The following MYOM1 variants were observed in gnomAD, a reference collection of about 807,000 sequenced individuals.
The protein encoded by MYOM1 is myomesin-1.
MYOM1 carries 164 observed loss-of-function variants against 205.3 expected under a neutral mutation model. The observed-to-expected ratio is 0.80, with a 90% CI of 0.70 to 0.91. The LOEUF (loss-of-function observed/expected upper bound fraction) is 0.91. Among genes scored for constraint, MYOM1 ranks in the 40% least tolerant of loss-of-function variants. MYOM1 has a pLI of 0.00. For missense variants in MYOM1, 2,011 were observed against 2,127.3 expected, an observed-to-expected ratio of 0.95 and a Z score of 1.08; for synonymous variants, 772 against 789.4, an observed-to-expected ratio of 0.98 and a Z score of 0.37.
At chr18:3,076,728 T>G (rs1598647719) in intron 34 of MYOM1, among the ~76,000 whole-genome samples, 1 of 151,922 alleles carries the variant, frequency 6.6e-6, no homozygotes, top group South Asian at 2.1e-4. Flanking sequence ...GCAGCTTTTT[T>G]TTTTTTTTTG....
intron 21 of MYOM1, among the ~76,000 whole-genome samples, chr18:3,115,962 A>G (rs2079598809): frequency 6.6e-6 from 1 of 152,124 alleles, no homozygotes; most frequent in African/African-American, 2.4e-5. Flanking sequence ...AGCACCCTCA[A>G]ATCAACCATC....
At chr18:3,177,440 A>G (rs1367501062) in intron 5 of MYOM1, among the ~76,000 whole-genome samples, 7 of 135,820 alleles carry the variant, frequency 5.2e-5, no homozygotes, top group African/African-American at 8.6e-5. Flanking sequence ...TGTTAGAAGC[A>G]ATATCATTAT....
Position 3,141,954 on chromosome 18 carries a change from C to T in MYOM1, c.2010G>A (p.Met670Ile). Residue 670 changes from methionine to isoleucine, a missense_variant, in exon 14 of 38, where the codon ATG (methionine) becomes ATA (isoleucine). Coordinates refer to ENST00000356443, the MANE Select transcript of MYOM1 (RefSeq NM_003803.4). ...PPGQRGHEGI[M>I]YFVEKCEAGT... is the part of the protein sequence containing the mutation. ...AGAGTCTTACCTTTTCCACAAAGTA[C>T]ATAATGCCCTCATGACCACGCTGGC... 1 of 1,613,820 alleles carries T rather than the reference C, an allele frequency of 6.2e-7. No individual in the cohort carries two copies. The highest frequency in any genetic ancestry group is 8.5e-7 in the Non-Finnish European group (1 of 1,179,822).
intron 36 of MYOM1, among the ~76,000 whole-genome samples, chr18:3,074,116 A>G (rs764735599): frequency 1.3e-5 from 2 of 152,242 alleles, no homozygotes; most frequent in Non-Finnish European, 2.9e-5. Flanking sequence ...AGAAGAGTTC[A>G]AGAATCTGGA....
intron 3 of MYOM1, among the ~76,000 whole-genome samples, chr18:3,193,349 T>TATACATATATATGTACATATAC (rs2080943546): frequency 7.3e-6 from 1 of 137,210 alleles, no homozygotes; most frequent in South Asian, 2.2e-4. Flanking sequence ...TACATATACA[T>TATACATATATATGTACATATAC]ATATATATAT....
intron 9 of MYOM1, among the ~76,000 whole-genome samples, chr18:3,167,760 A>G (rs6506079): frequency 0.1 from 15,410 of 152,184 alleles, 1,712 homozygotes; most frequent in African/African-American, 0.28. Flanking sequence ...TAGCTTCTTC[A>G]TCTTGTTTTG....
intron 14 of MYOM1, among the ~76,000 whole-genome samples, chr18:3,141,664 C>T (rs1197234141): frequency 6.6e-6 from 1 of 152,180 alleles, no homozygotes; most frequent in Non-Finnish European, 1.5e-5. Context: ...ATTTCAGGAA[C>T]ATTTCTCTTC....
In MYOM1 at chr18:3,189,352, T is replaced by C. The variant is rs1198619046; in HGVS notation, c.432-265A>G. On this transcript the variant is annotated intron_variant, in intron 3 of 37. Coordinates refer to ENST00000356443, the MANE Select transcript of MYOM1 (RefSeq NM_003803.4). This position sits in a 1 kb window ranked among gnomAD's most constrained non-coding sequence, Gnocchi z 4.8. ...TTGTTTCATCCCCTTACAAACCCTA[T>C]GAGATAAACTTTTTTTTTTTTTTTG... Among the ~76,000 whole-genome samples, 1 of 146,728 alleles carries C rather than the reference T, an allele frequency of 6.8e-6. No homozygotes were observed. The highest frequency in any genetic ancestry group is 1.5e-5 in the Non-Finnish European group (1 of 66,766).
intron 14 of MYOM1, among the ~76,000 whole-genome samples, chr18:3,136,186 C>T (rs1408217436): frequency 6.6e-6 from 1 of 152,112 alleles, no homozygotes; most frequent in African/African-American, 2.4e-5. Context: ...GAGGCCTCCC[C>T]AGCCACATGG....
At position 3,215,066 on chromosome 18, in the gene MYOM1, G is replaced by A. The variant is rs747035411; in HGVS notation, c.158C>T (p.Ala53Val). ...GAAGGCCTCGGACTCCCGGCGGTGC[G>A]CGGCGGAGGAGCGGCTGCTGTAGGC... ...STAYSSRSSA[A>V]HRRESEAFRR... The change falls in exon 2 of 38, where the codon GCG becomes GTG. Residue 53 changes from alanine (A) to valine (V), a missense_variant. Transcript: ENST00000356443. 4.3e-5 allele frequency: 70 copies of A among 1,613,398 alleles called. No homozygotes were observed. Among genetic ancestry groups the A allele is most frequent in the Non-Finnish European group, 5.8e-5 (68 of 1,179,812 alleles).
At chr18:3,182,546 G>A (rs1036080711) in intron 5 of MYOM1, among the ~76,000 whole-genome samples, 1 of 152,058 alleles carries the variant, frequency 6.6e-6, no homozygotes, top group Admixed American at 6.6e-5. Flanking sequence ...ACGTTTACAT[G>A]GTTCAAGAAC....
At chr18:3,197,413 C>T (rs1010729639) in intron 2 of MYOM1, among the ~76,000 whole-genome samples, 5 of 151,964 alleles carry the variant, frequency 3.3e-5, no homozygotes, top group African/African-American at 1.2e-4. Flanking sequence ...GCTGGGATCT[C>T]CAACCTTTAT....
In MYOM1 at chr18:3,129,437, T is replaced by G; in HGVS notation, c.2589A>C (p.Glu863Asp). The G allele has an allele frequency of 6.2e-7, 1 of 1,613,900 alleles. No homozygotes were observed. Among genetic ancestry groups the G allele is most frequent in the Non-Finnish European group, 8.5e-7 (1 of 1,179,884 alleles). The change falls in exon 18 of 38, where the codon GAA becomes GAC. Residue 863 changes from glutamate to aspartate, a missense_variant. By Grantham distance (45) the Glu-to-Asp change is conservative. Coordinates refer to ENST00000356443, the MANE Select transcript of MYOM1 (RefSeq NM_003803.4). ...GLTASRGRVH[E>D]ASPPTFQKDA... ...CTTTCTGGAAGGTTGGCGGGGAGGC[T>G]TCATGCACGCGCCCCCTGGAGGCGG...
chr18:3,089,135 TC>T lies in MYOM1; in HGVS notation c.4137+38del, dbSNP rs763772469. The T allele has an allele frequency of 2.1e-6, 3 of 1,446,978 alleles. No homozygotes were observed. In the South Asian group the frequency reaches 3.6e-5, roughly 18 times the overall value. 89.6% of individuals were successfully genotyped at this position (1,446,978 alleles called of 1,614,324 possible). On this transcript the variant is annotated intron_variant, in intron 29 of 37. Transcript: ENST00000356443. ...CCTCTTCTCTACATTCTATTTTATT[TC>T]CCTTGAATCAAATATTAAAAATTTA...
Position 3,215,211 on chromosome 18 carries a change from A to G in MYOM1, c.13T>C (p.Phe5Leu), listed in dbSNP as rs776020407. ...TAGTGCTGGTGGCACCTCTGATAAAAAGGCAAAGACATCCTGTGCCCCTTG... is the reference window on the plus strand; with the variant it reads ...TAGTGCTGGTGGCACCTCTGATAAAGAGGCAAAGACATCCTGTGCCCCTTG... Reference protein sequence around the residue: MSLPFYQRCHQHYDL... With the variant: MSLPLYQRCHQHYDL... Residue 5 changes from phenylalanine (F) to leucine (L), a missense_variant, in exon 2 of 38, where the codon TTT becomes CTT. Coordinates refer to ENST00000356443, the MANE Select transcript of MYOM1 (RefSeq NM_003803.4). 5.6e-6 allele frequency: 9 copies of G among 1,610,986 alleles called. No individual in the cohort carries two copies. The South Asian group carries it at 1.0e-4, about 18-fold the overall frequency.
the MYOM1 span, among the ~76,000 whole-genome samples, chr18:3,225,332 T>C: frequency 3.3e-5 from 5 of 152,238 alleles, no homozygotes; most frequent in African/African-American, 1.2e-4. Flanking sequence ...CTTCTCTCTC[T>C]TCTCAATTCC....
intron 26 of MYOM1, among the ~76,000 whole-genome samples, chr18:3,091,983 C>T (rs1409958679): frequency 2.6e-5 from 4 of 152,122 alleles, no homozygotes; most frequent in African/African-American, 4.8e-5. Flanking sequence ...CTGCCCACCT[C>T]GGCCTCCCAA....
At chr18:3,162,616 T>C (rs1319801276) in intron 10 of MYOM1, among the ~76,000 whole-genome samples, 1 of 152,102 alleles carries the variant, frequency 6.6e-6, no homozygotes, top group African/African-American at 2.4e-5. Flanking sequence ...TGACTAATCA[T>C]GCCATAAAAA....
chr18:3,160,087 C>CCTTCTTCTCCTCCTCCTTCTT (rs2080366104), intron 10 of MYOM1, among the ~76,000 whole-genome samples: 1 of 120,304 alleles, frequency 8.3e-6, no homozygotes, highest in Non-Finnish European at 1.7e-5. Flanking sequence ...TCCTCCTCCT[C>CCTTCTTCTCCTCCTCCTTCTT]CTTCTTCTCC....
Sources: allele counts gnomAD v4.1 joint callset (sites outside exome capture counted in the v4.1 genomes callset), GRCh38; gene constraint gnomAD v4.1.1; non-coding constraint Gnocchi (gnomAD v3.1); transcripts MANE v1.5; gene names NCBI Gene and HGNC (gene_info 2026-07-23, HGNC 2026-07-21).